The following DISC1 variants were observed in gnomAD, a reference collection of about 807,000 sequenced individuals.
DISC1 encodes the protein disrupted in schizophrenia 1 protein.
A neutral mutation model predicts 84.5 loss-of-function variants in DISC1; 57 were observed. The ratio of observed to expected loss-of-function variants is 0.67; its 90% CI spans 0.55 to 0.84. DISC1 has a LOEUF of 0.84. Ranked by LOEUF, DISC1 falls within the 40% of genes least tolerant of loss-of-function variation. The pLI is 0.00. For missense variants in DISC1, 1,000 were observed against 1,057.8 expected (o/e 0.95, Z 0.76); for synonymous variants, 411 against 415.2 (o/e 0.99, Z 0.12).
chr1:231,843,895 C>T (rs1041552371), intron 9 of DISC1, among the ~76,000 whole-genome samples: 1 of 152,152 alleles, frequency 6.6e-6, no homozygotes, highest in African/African-American at 2.4e-5. Flanking sequence ...AGCTGACTGA[C>T]GGCAGGGCTT....
intron 9 of DISC1, among the ~76,000 whole-genome samples, chr1:231,894,745 TTGTGTGTGTG>T (rs3222846): frequency 6.2e-5 from 9 of 144,600 alleles, no homozygotes; most frequent in Middle Eastern, 3.4e-3. Context: ...GTGTCATCTG[TTGTGTGTGTG>T]TGTGTGTGTG....
chr1:231,889,524 T>C (rs1167400600), intron 9 of DISC1, among the ~76,000 whole-genome samples: 1 of 152,220 alleles, frequency 6.6e-6, no homozygotes, highest in African/African-American at 2.4e-5. Context: ...GGATTACAAG[T>C]TTTCCTTTTA....
chr1:231,879,132 A>G (rs2086102809), intron 9 of DISC1, among the ~76,000 whole-genome samples: 2 of 150,800 alleles, frequency 1.3e-5, no homozygotes, highest in South Asian at 4.2e-4. Flanking sequence ...TATGATACTT[A>G]CTTGTTCAGC....
chr1:231,750,168 A>G, intron 4 of DISC1, 92 bp downstream of exon 4: 1 of 1,515,858 alleles, frequency 6.6e-7, no homozygotes. Context: ...GCTTAGCTGT[A>G]GAGACCCTTG....
At chr1:231,834,120 A>G (rs1159155923) in intron 9 of DISC1, among the ~76,000 whole-genome samples, 1 of 152,148 alleles carries the variant, frequency 6.6e-6, no homozygotes, top group African/African-American at 2.4e-5. Context: ...CTATGCCTTT[A>G]GCTCCAGCCA....
At chr1:232,017,896 G>A (rs1169944368) in intron 11 of DISC1, among the ~76,000 whole-genome samples, 1 of 152,102 alleles carries the variant, frequency 6.6e-6, no homozygotes, top group Non-Finnish European at 1.5e-5. Context: ...ACTTCACATA[G>A]CCCCTCCCTT....
chr1:231,682,251 G>T (rs1384185972), intron 1 of DISC1, among the ~76,000 whole-genome samples: 2 of 152,128 alleles, frequency 1.3e-5, no homozygotes, highest in Non-Finnish European at 2.9e-5. Flanking sequence ...TGTCTTCCCT[G>T]GTTGATGAAA....
intron 9 of DISC1, among the ~76,000 whole-genome samples, chr1:231,890,165 G>T (rs1178469520): frequency 1.3e-5 from 2 of 152,130 alleles, no homozygotes; most frequent in East Asian, 1.9e-4. Context: ...TTGTGTAGTT[G>T]CTGCTCTGCT....
chr1:231,947,933 G>A (rs1252002837), intron 9 of DISC1, among the ~76,000 whole-genome samples: 1 of 152,094 alleles, frequency 6.6e-6, no homozygotes, highest in Non-Finnish European at 1.5e-5. Context: ...AGTTAGAATT[G>A]CGATCATTAA....
chr1:231,977,953 C>A (rs1663046971), intron 10 of DISC1, among the ~76,000 whole-genome samples: 1 of 152,110 alleles, frequency 6.6e-6, no homozygotes, highest in African/African-American at 2.4e-5. Flanking sequence ...TTTCTTAGGT[C>A]TCTTTTAATC....
At chr1:231,875,900 A>T (rs2085856615) in intron 9 of DISC1, among the ~76,000 whole-genome samples, 1 of 152,240 alleles carries the variant, frequency 6.6e-6, no homozygotes, top group Non-Finnish European at 1.5e-5. Context: ...ACCAGAAGGT[A>T]TGTGAATGGC....
At chr1:231,659,846 A>G (rs2061428910) in intron 1 of DISC1, among the ~76,000 whole-genome samples, 1 of 151,870 alleles carries the variant, frequency 6.6e-6, no homozygotes, top group African/African-American at 2.4e-5. Context: ...AGAGACTGTT[A>G]TGATTTCAGC....
chr1:231,652,023 TC>T (rs1478443704), intron 1 of DISC1, among the ~76,000 whole-genome samples: 2 of 152,208 alleles, frequency 1.3e-5, no homozygotes, highest in Admixed American at 1.3e-4. Flanking sequence ...GAAAGGGAAA[TC>T]CCCTGACCCC....
At chr1:231,801,151 C>A (rs1430875166) in intron 8 of DISC1, among the ~76,000 whole-genome samples, 1 of 152,050 alleles carries the variant, frequency 6.6e-6, no homozygotes, top group African/African-American at 2.4e-5. Context: ...AGCTAAAGAG[C>A]AATTTGGTCC....
intron 9 of DISC1, chr1:231,866,543 G>A: frequency 1.1e-6 from 1 of 874,522 alleles, no homozygotes; most frequent in East Asian, 2.4e-5. Context: ...CTGTGATGCA[G>A]AGTCCTGGAC....
chr1:231,735,156 GT>G (rs2072312557), intron 3 of DISC1, among the ~76,000 whole-genome samples: 2 of 152,118 alleles, frequency 1.3e-5, no homozygotes, highest in Non-Finnish European at 2.9e-5. Flanking sequence ...AAAACTCTTA[GT>G]TCTTCCCAGG....
At chr1:231,628,519 C>T (rs1236466152) in intron 1 of DISC1, among the ~76,000 whole-genome samples, 1 of 152,130 alleles carries the variant, frequency 6.6e-6, no homozygotes, top group East Asian at 1.9e-4. Flanking sequence ...TGAAATCCTC[C>T]CTGCATCTTT....
chr1:231,693,708 A>T, intron 1 of DISC1, 118 bp from the exon 2 acceptor site: 3 of 1,503,200 alleles, frequency 2.0e-6, no homozygotes, highest in Non-Finnish European at 2.7e-6. Flanking sequence ...GCCAGCATCT[A>T]TCTTTGACAG....
At chr1:231,709,520 A>T (rs2067532458) in intron 3 of DISC1, among the ~76,000 whole-genome samples, 1 of 152,056 alleles carries the variant, frequency 6.6e-6, no homozygotes, top group South Asian at 2.1e-4. Flanking sequence ...CTCTCTGGGA[A>T]TGGGACCATG....
Sources: allele counts gnomAD v4.1 joint callset (sites outside exome capture counted in the v4.1 genomes callset), GRCh38; gene constraint gnomAD v4.1.1; transcripts MANE v1.5; gene names NCBI Gene and HGNC (gene_info 2026-07-23, HGNC 2026-07-21).